DAZL: variants seen among roughly 807,000 people sequenced by gnomAD.
DAZL encodes deleted in azoospermia like.
In DAZL, 4 loss-of-function variants were observed where a neutral mutation model predicts 45.0. The ratio of observed to expected loss-of-function variants is 0.09; its 90% CI spans 0.04 to 0.20. The LOEUF is 0.20. Ranked by LOEUF, DAZL falls within the 10% of genes least tolerant of loss-of-function variation. The pLI, the probability that DAZL is intolerant of heterozygous loss-of-function variation, is 1.00. For missense variants in DAZL, 326 were observed against 351.3 expected, an observed-to-expected ratio of 0.93 and a Z score of 0.58; for synonymous variants, 122 against 112.4, an observed-to-expected ratio of 1.09 and a Z score of -0.54.
chr3:16,605,095 A>C (rs1694758374), intron 1 of DAZL, 108 bp downstream of exon 1: 2 of 1,450,818 alleles, frequency 1.4e-6, no homozygotes, highest in African/African-American at 2.8e-5. Context: ...GGTGCCCCCC[A>C]AACAGGAAAG....
Position 16,593,643 on chromosome 3 carries a change from T to C in DAZL, c.735+12A>G, listed in dbSNP as rs779369855. ...AAATATGAAATATATATAAACAAAATTAGATGTTTGCCTTTTGTGGGCCAT... is the reference window on the plus strand; with the variant it reads ...AAATATGAAATATATATAAACAAAACTAGATGTTTGCCTTTTGTGGGCCAT... On this transcript the variant is annotated intron_variant, in intron 9 of 10. Transcript: ENST00000399444. 84 of 1,510,940 alleles carry C rather than the reference T, an allele frequency of 5.6e-5. No individual in the cohort carries two copies. The South Asian group carries it at 8.7e-4, about 16-fold the overall frequency. 93.6% of individuals were successfully genotyped at this position (1,510,940 alleles called of 1,614,324 possible).
chr3:16,591,433 A>ATT (rs200206679), intron 10 of DAZL, among the ~76,000 whole-genome samples: 22,132 of 143,702 alleles, frequency 0.15, 2,055 homozygotes, highest in East Asian at 0.46. Flanking sequence ...ATATGCATGT[A>ATT]TTTTTTTTTT....
chr3:16,592,802 A>C (rs1484042839), intron 9 of DAZL, among the ~76,000 whole-genome samples: 1 of 152,216 alleles, frequency 6.6e-6, no homozygotes, highest in East Asian at 1.9e-4. Flanking sequence ...CGCATTTTAA[A>C]ATCGAGTATC....
chr3:16,598,283 C>A, intron 2 of DAZL, 105 bp from the exon 3 acceptor site: 1 of 1,404,258 alleles, frequency 7.1e-7, no homozygotes, highest in South Asian at 1.2e-5. Flanking sequence ...CCATTTATCC[C>A]CAAATGACCA....
rs1217991127 is a variant in DAZL, at chr3:16,593,712, C to A, written c.678G>T (p.Val226=). The change falls in exon 9 of 11, where the codon GTG becomes GTT. Residue 226 remains valine, a synonymous_variant. Transcript: ENST00000399444. The stretch of plus-strand genomic sequence containing the variant: ...CTTCATGAACTGAACATTCATTTGG[C>A]ACAACTTCAGCTCCTGGATCAACTT... ...CNEVDPGAEV[V]PNECSVHEAT... The A allele has an allele frequency of 1.2e-5, 20 of 1,612,650 alleles. No homozygotes were observed. Among genetic ancestry groups the A allele is most frequent in the Non-Finnish European group, 1.7e-5 (20 of 1,179,268 alleles).
intron 10 of DAZL, among the ~76,000 whole-genome samples, chr3:16,589,300 G>A (rs1476435429): frequency 3.3e-5 from 5 of 152,092 alleles, no homozygotes; most frequent in Admixed American, 3.3e-4. Flanking sequence ...AAAAGTGAGA[G>A]GCCTTAAAAG....
chr3:16,593,939 G>C (rs1029977979), intron 8 of DAZL, among the ~76,000 whole-genome samples, 171 bp from the exon 9 acceptor site: 1 of 152,124 alleles, frequency 6.6e-6, no homozygotes, highest in Non-Finnish European at 1.5e-5. Flanking sequence ...AATACAGTAA[G>C]GCAGCCTTCT....
chr3:16,604,334 T>C lies in DAZL; in HGVS notation c.3+869A>G, dbSNP rs1203542331. 4.7e-6 allele frequency: 5 copies of C among 1,058,098 alleles called. No homozygotes were observed. In the East Asian group the frequency reaches 8.0e-5, roughly 17 times the overall value. The allele number at this position is 1,058,098 out of a possible 1,614,324, so 65.5% of individuals were successfully genotyped here. A position where few individuals can be genotyped will look rare whatever the true frequency, so the allele number is the denominator to read the frequency against. On this transcript the variant is annotated intron_variant, in intron 1 of 10. Transcript: ENST00000399444. ...ACAAAAACGCACACCCAACGCTATC[T>C]ACCAAATGGACATTTTGTCAAAGGA...
At chr3:16,598,719 T>C in intron 1 of DAZL, 121 bp from the exon 2 acceptor site, 1 of 1,145,304 alleles carries the variant, frequency 8.7e-7, no homozygotes, top group Non-Finnish European at 1.1e-6. Context: ...CATTCTAAGT[T>C]AGTTCAGGCT....
Position 16,605,232 on chromosome 3 carries a change from C to G in DAZL, c.-27G>C, listed in dbSNP as rs201594625. On this transcript the variant is annotated 5_prime_UTR_variant, in exon 1 of 11. Coordinates refer to ENST00000399444, the MANE Select transcript of DAZL (RefSeq NM_001351.4). ...ATGGCGGCAGGCAGCAGTTCCCGAC[C>G]GGCTCCAGGAGGAGCAGAGGCTGTG... The G allele has an allele frequency of 2.5e-5, 40 of 1,614,138 alleles. 1 individual carries two copies. The highest frequency in any genetic ancestry group is 2.0e-4 in the African/African-American group (15 of 75,072).
At chr3:16,604,826 G>A (rs1694751438) in intron 1 of DAZL, 1 of 990,142 alleles carries the variant, frequency 1.0e-6, no homozygotes, top group Non-Finnish European at 1.4e-6. Context: ...GGGGGAGCGC[G>A]TGGGAGTGGG....
rs377332785 is a variant in DAZL at position 16,592,135 on chromosome 3, C to T, written c.749G>A (p.Arg250Gln). 4.2e-5 allele frequency: 67 copies of T among 1,613,114 alleles called. No individual in the cohort carries two copies. Among genetic ancestry groups the T allele is most frequent in the Admixed American group, 6.7e-5 (4 of 59,992 alleles). Residue 250 changes from arginine to glutamine, a missense_variant, in exon 10 of 11, where the codon CGA becomes CAA. By Grantham distance (43) the Arg-to-Gln change is conservative (BLOSUM62 1). Coordinates refer to ENST00000399444, the MANE Select transcript of DAZL (RefSeq NM_001351.4). Reference protein sequence around the residue: ...GNGPQKKSVDRSIQTVVSCLF... With the variant: ...GNGPQKKSVDQSIQTVVSCLF... Reference sequence around the variant, plus strand: ...ACAAGATACCACCGTTTGTATGCTTCGGTCCACAGATTTCTGAAACACAGA... The same window carrying T: ...ACAAGATACCACCGTTTGTATGCTTTGGTCCACAGATTTCTGAAACACAGA...
rs1694583000 is a variant in DAZL at position 16,595,335 on chromosome 3, C to A, written c.549G>T (p.Gln183His). ...TTACCTGATAATTATATACAGGCAACTGATATCCAGTGATGACCTGAACTG... is the reference window on the plus strand; with the variant it reads ...TTACCTGATAATTATATACAGGCAAATGATATCCAGTGATGACCTGAACTG... ...NSPVQVITGY[Q>H]LPVYNYQMPP... The change falls in exon 7 of 11, where the codon CAG (glutamine) becomes CAT (histidine). Residue 183 changes from glutamine to histidine, a missense_variant. Physicochemically the swap from Gln to His is conservative, Grantham distance 24. Coordinates refer to ENST00000399444, the MANE Select transcript of DAZL (RefSeq NM_001351.4). 1 of 1,568,046 alleles carries A rather than the reference C, an allele frequency of 6.4e-7. No homozygotes were observed. Among genetic ancestry groups the A allele is most frequent in the Non-Finnish European group, 8.7e-7 (1 of 1,152,814 alleles).
Position 16,588,696 on chromosome 3 carries a change from G to T in DAZL, c.852C>A (p.His284Gln). ...DDYFKDKRVH[H>Q]FRRSRAMLKS... ...TAAGCATTGCCCGACTTCTTCTAAA[G>T]TGATGCACTCTTTTATCCTGGAAAA... is the stretch of plus-strand genomic sequence containing the variant. The change falls in exon 11 of 11, where the codon CAC (histidine) becomes CAA (glutamine). Residue 284 changes from histidine to glutamine, a missense_variant. Physicochemically the swap from His to Gln is conservative, Grantham distance 24. Coordinates refer to ENST00000399444, the MANE Select transcript of DAZL (RefSeq NM_001351.4). 1 of 1,611,638 alleles carries T rather than the reference G, an allele frequency of 6.2e-7. No homozygotes were observed. The highest frequency in any genetic ancestry group is 1.7e-5 in the Admixed American group (1 of 59,976).
At chr3:16,598,254 T>G in intron 2 of DAZL, 76 bp from the exon 3 acceptor site, 1 of 1,439,526 alleles carries the variant, frequency 6.9e-7, no homozygotes, top group Non-Finnish European at 9.7e-7. Flanking sequence ...GAAGGTTCGA[T>G]GATGTGACAA....
At chr3:16,603,986 T>C (rs1694734359) in intron 1 of DAZL, among the ~76,000 whole-genome samples, 1 of 152,164 alleles carries the variant, frequency 6.6e-6, no homozygotes, top group Admixed American at 6.6e-5. Flanking sequence ...AGAAAAATAA[T>C]CCAATGAAAC....
rs1026012809 is a variant in DAZL, at chr3:16,594,587, A to C, written c.571-4T>G. On this transcript the variant is annotated splice_region_variant and splice_polypyrimidine_tract_variant and intron_variant, in intron 7 of 10. Coordinates refer to ENST00000399444, the MANE Select transcript of DAZL (RefSeq NM_001351.4). The stretch of plus-strand genomic sequence containing the variant: ...CAACAGGCCACTGTGGTGGCATCTT[A>C]AAAAAAAAAAAAAGGAAACCAAAAT... The C allele has an allele frequency of 7.1e-5, 12 of 168,344 alleles. No homozygotes were observed. The highest frequency in any genetic ancestry group is 6.7e-4 in the African/African-American group (12 of 18,022). The allele number at this position is 168,344 out of a possible 1,614,324, so 10.4% of individuals were successfully genotyped here. A position where few individuals can be genotyped will look rare whatever the true frequency, so the allele number is the denominator to read the frequency against.
chr3:16,598,555 T>G lies in DAZL; in HGVS notation c.47A>C (p.Glu16Ala), dbSNP rs1694635154. ...PETPNSTISR[E>A]ASTQSSSAAT... is the part of the protein sequence containing the mutation. ...AGCTGATGAGGACTGGGTGCTGGCC[T>G]CTCTGGAGATGGTTGAGTTTGGAGT... The change falls in exon 2 of 11, where the codon GAG (glutamate) becomes GCG (alanine). Residue 16 changes from glutamate (E) to alanine (A), a missense_variant. Transcript: ENST00000399444. 1 of 1,602,474 alleles carries G rather than the reference T, an allele frequency of 6.2e-7. No individual in the cohort carries two copies. The highest frequency in any genetic ancestry group is 1.7e-5 in the Admixed American group (1 of 59,958).
chr3:16,591,167 C>A (rs2125043704), intron 10 of DAZL, among the ~76,000 whole-genome samples: 1 of 152,224 alleles, frequency 6.6e-6, no homozygotes, highest in East Asian at 1.9e-4. Flanking sequence ...TAGTCCTGTA[C>A]CTTCTCATTT....
Sources: allele counts gnomAD v4.1 joint callset (sites outside exome capture counted in the v4.1 genomes callset), GRCh38; gene constraint gnomAD v4.1.1; transcripts MANE v1.5; gene names NCBI Gene and HGNC (gene_info 2026-07-23, HGNC 2026-07-21).